Variants in TBXAS1 observed in about 807,000 individuals in gnomAD.
TBXAS1 encodes thromboxane A synthase 1.
In TBXAS1, 48 loss-of-function variants were observed where a neutral mutation model predicts 60.7. The ratio of observed to expected loss-of-function variants is 0.79; its 90% confidence interval spans 0.63 to 1.01. TBXAS1 has a LOEUF of 1.01. Ranked by LOEUF, TBXAS1 falls within the 50% of genes least tolerant of loss-of-function variation. The probability of loss-of-function intolerance (pLI) is 0.00; values close to 1 mark genes in which losing one functional copy is unlikely to be tolerated. For synonymous variants in TBXAS1, 287 were observed against 269.7 expected (o/e 1.06, Z -0.63); for missense variants, 685 against 686.3 (o/e 1.00, Z 0.02).
chr7:139,930,265 T>C (rs1025292639), intron 4 of TBXAS1, among the ~76,000 whole-genome samples: 1 of 152,230 alleles, frequency 6.6e-6, no homozygotes, highest in African/African-American at 2.4e-5. Context: ...TCATGCTTAT[T>C]GTCCACCTTC....
chr7:139,816,104 C>T (rs1798141079), intron 4 of TBXAS1, among the ~76,000 whole-genome samples: 1 of 152,168 alleles, frequency 6.6e-6, no homozygotes. Context: ...ATAAGGGGCT[C>T]TTCCCACTTT....
intron 9 of TBXAS1, among the ~76,000 whole-genome samples, chr7:139,996,893 G>A (rs1173649023): frequency 6.6e-6 from 1 of 152,182 alleles, no homozygotes; most frequent in Admixed American, 6.5e-5. Flanking sequence ...TTCCCATTCT[G>A]ACTACTGGCC....
At chr7:139,963,358 T>C (rs1342834250) in intron 9 of TBXAS1, among the ~76,000 whole-genome samples, 1 of 152,240 alleles carries the variant, frequency 6.6e-6, no homozygotes, top group Non-Finnish European at 1.5e-5. Context: ...GATTCTGCCA[T>C]CTGTTATATT....
intron 4 of TBXAS1, chr7:139,787,540 G>T (rs1477452070): frequency 6.6e-6 from 1 of 152,240 alleles, no homozygotes; most frequent in Non-Finnish European, 1.5e-5. Context: ...GGGGAAGGTG[G>T]TGGGCAGCTG....
intron 1 of TBXAS1, among the ~76,000 whole-genome samples, chr7:139,843,067 G>A (rs941564127): frequency 6.6e-6 from 1 of 152,160 alleles, no homozygotes; most frequent in African/African-American, 2.4e-5. Flanking sequence ...TCTGAAAGGT[G>A]CCCTAAAGTC....
At chr7:139,948,324 A>G (rs1358404366) in intron 5 of TBXAS1, among the ~76,000 whole-genome samples, 1 of 152,130 alleles carries the variant, frequency 6.6e-6, no homozygotes, top group Non-Finnish European at 1.5e-5. Context: ...GAGAATAAGC[A>G]TGAGTGCTCT....
chr7:139,926,388 C>G (rs1806879546), intron 4 of TBXAS1, among the ~76,000 whole-genome samples: 2 of 152,068 alleles, frequency 1.3e-5, no homozygotes, highest in African/African-American at 2.4e-5. Flanking sequence ...TTGTATGTGT[C>G]TAGGAATTTA....
At chr7:140,019,611 A>G (rs1301229436) in intron 12 of TBXAS1, among the ~76,000 whole-genome samples, 1 of 152,192 alleles carries the variant, frequency 6.6e-6, no homozygotes, top group Non-Finnish European at 1.5e-5. Flanking sequence ...CCACTGGCTC[A>G]TCATTTTACT....
At chr7:139,950,225 G>T (rs576590556) in intron 5 of TBXAS1, among the ~76,000 whole-genome samples, 4 of 151,814 alleles carry the variant, frequency 2.6e-5, no homozygotes, top group Non-Finnish European at 5.9e-5. Context: ...TAGAGAGGGG[G>T]TTCACTCTGC....
chr7:139,816,689 C>T (rs1798157215), intron 4 of TBXAS1, among the ~76,000 whole-genome samples: 1 of 152,216 alleles, frequency 6.6e-6, no homozygotes, highest in Non-Finnish European at 1.5e-5. Flanking sequence ...GCCCATCAAA[C>T]TGTGTTGTAT....
chr7:140,015,125 G>T (rs2116453059), intron 10 of TBXAS1, among the ~76,000 whole-genome samples: 1 of 152,234 alleles, frequency 6.6e-6, no homozygotes, highest in African/African-American at 2.4e-5. Flanking sequence ...GACAATCAAT[G>T]ACATAGACAG....
chr7:139,950,973 C>T (rs577416302), intron 5 of TBXAS1, among the ~76,000 whole-genome samples: 3 of 152,256 alleles, frequency 2.0e-5, no homozygotes, highest in Admixed American at 6.5e-5. Flanking sequence ...AGGACTGACT[C>T]GGAGGAAACT....
intron 9 of TBXAS1, among the ~76,000 whole-genome samples, chr7:139,989,513 C>T (rs1372689537): frequency 2.0e-5 from 3 of 152,220 alleles, no homozygotes; most frequent in African/African-American, 4.8e-5. Flanking sequence ...GCTGCCCCAC[C>T]GCTTTGCCCT....
chr7:139,956,390 C>T (rs1809867771), intron 7 of TBXAS1, among the ~76,000 whole-genome samples: 2 of 152,216 alleles, frequency 1.3e-5, no homozygotes, highest in African/African-American at 4.8e-5. Flanking sequence ...AGGTGATCCG[C>T]CCACCTTGGC....
intron 4 of TBXAS1, chr7:139,913,298 C>T (rs989112880): frequency 3.3e-6 from 2 of 607,716 alleles, no homozygotes; most frequent in African/African-American, 1.8e-5. Flanking sequence ...TTATTAAATG[C>T]AGCTGTAGCT....
chr7:139,818,062 A>T (rs1272959951), intron 4 of TBXAS1, among the ~76,000 whole-genome samples: 1 of 152,230 alleles, frequency 6.6e-6, no homozygotes, highest in African/African-American at 2.4e-5. Context: ...GTTGAACCAG[A>T]TATAACTCTT....
chr7:139,784,901 T>TTGA lies in TBXAS1; in HGVS notation c.-169+2172_-169+2173insTGA, dbSNP rs1554462718. 2.3e-3 allele frequency among the ~76,000 whole-genome samples: 351 copies of TTGA among 151,692 alleles called. 3 individuals carry two copies. Among genetic ancestry groups the TTGA allele is most frequent in the African/African-American group, 8.1e-3 (336 of 41,378 alleles). On this transcript the variant is annotated intron_variant, in intron 3 of 16. Coordinates refer to the TBXAS1 transcript ENST00000336425. ...AAGTGTATAATGCGTGGCTGATCCA[T>TTGA]AGGAGGTGAGATCACACAGGGAGAG...
chr7:139,908,197 AG>A (rs1174356465), intron 3 of TBXAS1, among the ~76,000 whole-genome samples: 1 of 151,480 alleles, frequency 6.6e-6, no homozygotes, highest in East Asian at 1.9e-4. Flanking sequence ...GTGCTTGATA[AG>A]GTTCTTTGTT....
intron 4 of TBXAS1, among the ~76,000 whole-genome samples, chr7:139,927,371 CAACTT>C (rs59273821): frequency 0.078 from 11,916 of 152,116 alleles, 1,171 homozygotes; most frequent in African/African-American, 0.23. Flanking sequence ...TTTAAACTGA[CAACTT>C]AACACTGATT....
Sources: gnomAD v4.1 joint callset for allele counts (sites outside exome capture counted in the v4.1 genomes callset) on GRCh38, gnomAD v4.1.1 for gene constraint, MANE v1.5 for transcripts, NCBI Gene and HGNC (gene_info 2026-07-23, HGNC 2026-07-21) for gene names.